The following PDE10A variants were observed in gnomAD, a reference collection of about 807,000 sequenced individuals.
The protein encoded by PDE10A is phosphodiesterase 10A.
PDE10A carries 39 observed loss-of-function variants against 97.7 expected under a neutral mutation model. The ratio of observed to expected loss-of-function variants is 0.40; its 90% CI spans 0.31 to 0.52. PDE10A has a LOEUF of 0.52. Among genes scored for constraint, PDE10A ranks in the 20% least tolerant of loss-of-function variants. PDE10A has a pLI of 0.56. For missense variants in PDE10A, 731 were observed against 1,047.8 expected (o/e 0.70, Z 4.17); for synonymous variants, 371 against 376.8 (o/e 0.98, Z 0.18).
At chr6:165,835,057 A>G (rs559862362) in intron 1 of PDE10A, among the ~76,000 whole-genome samples, 2 of 152,232 alleles carry the variant, frequency 1.3e-5, no homozygotes, top group South Asian at 4.1e-4. Flanking sequence ...TGCAGAAGTC[A>G]TTCAGCGGGA....
chr6:165,567,918 G>A (rs1784852153), intron 1 of PDE10A, among the ~76,000 whole-genome samples: 1 of 150,524 alleles, frequency 6.6e-6, no homozygotes, highest in Non-Finnish European at 1.5e-5. Flanking sequence ...TTCTTTGGAA[G>A]CCAATAGTCT....
chr6:165,963,916 T>C (rs1218971977), intron 1 of PDE10A, among the ~76,000 whole-genome samples: 1 of 152,162 alleles, frequency 6.6e-6, no homozygotes, highest in East Asian at 1.9e-4. Flanking sequence ...CACTGCACCT[T>C]ATCGAGGTTT....
At chr6:165,987,764 T>C (rs755872906) in exon 1 of PDE10A, 1 of 455,760 alleles carries the variant, frequency 2.2e-6, no homozygotes, top group Admixed American at 2.4e-5. Context: ...TTCCAAAGGC[T>C]TGGGGCACTC....
chr6:165,649,553 T>C (rs1789571515), intron 1 of PDE10A, among the ~76,000 whole-genome samples: 1 of 152,034 alleles, frequency 6.6e-6, no homozygotes, highest in Admixed American at 6.6e-5. Context: ...CAGGGCAGAG[T>C]TCTGGTCAGC....
intron 1 of PDE10A, among the ~76,000 whole-genome samples, chr6:165,722,854 T>C (rs914461029): frequency 6.7e-6 from 1 of 150,148 alleles, no homozygotes; most frequent in Non-Finnish European, 1.5e-5. Flanking sequence ...TATAAATCCT[T>C]AAATAAAATT....
chr6:165,560,640 A>G (rs1784473850), intron 1 of PDE10A, among the ~76,000 whole-genome samples: 2 of 152,360 alleles, frequency 1.3e-5, no homozygotes, highest in Admixed American at 6.5e-5. Context: ...AATCCAGTTA[A>G]GTAAAAAGAA....
chr6:165,559,223 A>G (rs1784406943), intron 1 of PDE10A, among the ~76,000 whole-genome samples: 1 of 152,188 alleles, frequency 6.6e-6, no homozygotes, highest in South Asian at 2.1e-4. Flanking sequence ...GCTTAAATGT[A>G]GTTGCCCATA....
intron 1 of PDE10A, among the ~76,000 whole-genome samples, chr6:165,681,936 G>A (rs549909354): frequency 7.0e-4 from 106 of 152,268 alleles, no homozygotes; most frequent in Non-Finnish European, 1.1e-3. Flanking sequence ...ATTATGTGTC[G>A]TCATCAAAGG....
chr6:165,407,913 C>T (rs220771), intron 13 of PDE10A, among the ~76,000 whole-genome samples: 30,681 of 152,110 alleles, frequency 0.2, 3,231 homozygotes, highest in Middle Eastern at 0.31. Flanking sequence ...AAGAGAGATG[C>T]TGCCAATCAG....
chr6:165,541,414 A>G (rs545947324), intron 2 of PDE10A, among the ~76,000 whole-genome samples: 30 of 152,362 alleles, frequency 2.0e-4, no homozygotes, highest in African/African-American at 6.7e-4. Flanking sequence ...CATGTGTTCA[A>G]TAAAGTATTA....
intron 1 of PDE10A, among the ~76,000 whole-genome samples, chr6:165,933,970 T>C (rs1044903834): frequency 7.9e-5 from 12 of 151,662 alleles, no homozygotes; most frequent in African/African-American, 2.9e-4. Flanking sequence ...CAATTTTTCA[T>C]TTTGAAGCAT....
intron 1 of PDE10A, among the ~76,000 whole-genome samples, chr6:165,876,288 T>C (rs1332226788): frequency 6.6e-6 from 1 of 152,194 alleles, no homozygotes; most frequent in Non-Finnish European, 1.5e-5. Flanking sequence ...ATCATAGCTA[T>C]TACCAAATGA....
At chr6:165,571,227 T>C (rs1785034725) in intron 1 of PDE10A, among the ~76,000 whole-genome samples, 1 of 152,222 alleles carries the variant, frequency 6.6e-6, no homozygotes, top group African/African-American at 2.4e-5. Flanking sequence ...CCTGAGTCTT[T>C]GGGAACCACA....
At chr6:165,542,196 AAC>A (rs1360030824) in intron 2 of PDE10A, among the ~76,000 whole-genome samples, 2 of 152,206 alleles carry the variant, frequency 1.3e-5, no homozygotes, top group Non-Finnish European at 2.9e-5. Flanking sequence ...AAAAAAGTTG[AAC>A]AGTCAAAAAC....
chr6:165,664,433 C>T (rs887508304), upstream of PDE10A, among the ~76,000 whole-genome samples: 2 of 152,152 alleles, frequency 1.3e-5, no homozygotes, highest in African/African-American at 4.8e-5. Flanking sequence ...CTGGGGCTCC[C>T]CTCCCCCAGT....
At chr6:165,448,556 T>C (rs920337808) in intron 5 of PDE10A, among the ~76,000 whole-genome samples, 5 of 152,146 alleles carry the variant, frequency 3.3e-5, no homozygotes, top group African/African-American at 1.2e-4. Flanking sequence ...CAACTTTCTG[T>C]TCTCATTTAA....
intron 1 of PDE10A, among the ~76,000 whole-genome samples, chr6:165,919,981 A>G (rs988059157): frequency 6.6e-6 from 1 of 152,194 alleles, no homozygotes; most frequent in Non-Finnish European, 1.5e-5. Context: ...ATGCCATTTC[A>G]TATTGTTAGA....
chr6:165,723,480 C>T (rs1446337319), intron 1 of PDE10A, among the ~76,000 whole-genome samples: 1 of 152,180 alleles, frequency 6.6e-6, no homozygotes, highest in African/African-American at 2.4e-5. Flanking sequence ...CGGTGTGTGA[C>T]ACCCGGTAGT....
chr6:165,465,640 A>T (rs1390523781), intron 3 of PDE10A, among the ~76,000 whole-genome samples: 2 of 152,196 alleles, frequency 1.3e-5, no homozygotes, highest in African/African-American at 2.4e-5. Context: ...ATCATAGTGG[A>T]AGGTACCACG....
Sources: allele counts gnomAD v4.1 joint callset (sites outside exome capture counted in the v4.1 genomes callset), GRCh38; gene constraint gnomAD v4.1.1; transcripts MANE v1.5; gene names NCBI Gene and HGNC (gene_info 2026-07-23, HGNC 2026-07-21).